BCLAF3: variants seen among roughly 807,000 people sequenced by gnomAD.
The protein encoded by BCLAF3 is transient octamer binding factor 1.
Under a neutral mutation model 51.2 loss-of-function variants are expected in BCLAF3, and 24 were observed. The ratio of observed to expected loss-of-function variants is 0.47; its 90% CI spans 0.34 to 0.66. BCLAF3 has a LOEUF of 0.66. Among genes scored for constraint, BCLAF3 ranks in the 30% least tolerant of loss-of-function variants. The probability of loss-of-function intolerance (pLI) is 0.01; values close to 1 mark genes in which losing one functional copy is unlikely to be tolerated. For missense variants in BCLAF3, 465 were observed against 525.1 expected, an observed-to-expected ratio of 0.89 and a Z score of 1.12; for synonymous variants, 152 against 176.6, an observed-to-expected ratio of 0.86 and a Z score of 1.10.
At chrX:19,957,011 C>T (rs1184243462) in intron 4 of BCLAF3, among the ~76,000 whole-genome samples, 1 of 111,946 alleles carries the variant, frequency 8.9e-6, no homozygotes, top group Non-Finnish European at 1.9e-5. Context: ...ATTTTAGCTC[C>T]TCTAATAAAA....
At chrX:19,925,905 C>T (rs1441383107) in intron 11 of BCLAF3, among the ~76,000 whole-genome samples, 1 of 112,049 alleles carries the variant, frequency 8.9e-6, no homozygotes, top group Non-Finnish European at 1.9e-5. Context: ...ACAAACAGAA[C>T]AGCTTCAATG....
At chrX:19,972,525 T>G (rs919180544) in intron 1 of BCLAF3, among the ~76,000 whole-genome samples, 14 of 112,172 alleles carry the variant, frequency 1.2e-4, no homozygotes, top group African/African-American at 3.2e-4. Context: ...GCCATATAAT[T>G]TACCCATTTA....
intron 8 of BCLAF3, among the ~76,000 whole-genome samples, chrX:19,945,042 TA>T (rs1490507922): frequency 9.3e-6 from 1 of 108,033 alleles, no homozygotes; most frequent in African/African-American, 3.4e-5. Flanking sequence ...CCATTGCTGA[TA>T]CCCTTTCTTC....
At chrX:19,936,115 G>A (rs192899761) in intron 9 of BCLAF3, among the ~76,000 whole-genome samples, 1 of 111,825 alleles carries the variant, frequency 8.9e-6, no homozygotes, top group Non-Finnish European at 1.9e-5. Flanking sequence ...TTTGTGAGGA[G>A]CCAGGATCAT....
Position 19,913,141 on chromosome X carries a change from T to G in BCLAF3, c.*4164A>C, listed in dbSNP as rs2069845871. ...CAGGCTGGAGTGCAATGGCGTGGCC[T>G]CGGTTCACTGCAACCTTCGCCTCCC... is the stretch of plus-strand genomic sequence containing the variant. On this transcript the variant is annotated 3_prime_UTR_variant, in exon 12 of 12. Coordinates refer to ENST00000379682, the MANE Select transcript of BCLAF3 (RefSeq NM_001367774.2). 8.9e-6 allele frequency: 1 copy of G among 112,173 alleles called. No individual in the cohort carries two copies. Among genetic ancestry groups the G allele is most frequent in the African/African-American group, 3.2e-5 (1 of 30,831 alleles). The allele number at this position is 112,173 out of a possible 1,213,427, so 9.2% of individuals were successfully genotyped here.
Position 19,966,599 on chromosome X carries a change from G to C in BCLAF3, c.92C>G (p.Ser31Ter), listed in dbSNP as rs1447925575. Residue 31 changes from serine to a stop codon, truncating the protein, a stop_gained, in exon 3 of 12, where the codon TCA (serine) becomes TGA (stop). Transcript: ENST00000379682. LOFTEE classifies it high-confidence loss of function. ...ATATTCACAGCCATAATGCCCGTGT[G>C]AATGTCTTTGCTTGTAGTGTTCAGC... ...RNAEHYKQRHSHGHYGCEYRK... is the reference protein window; with the variant it reads ...RNAEHYKQRH 1 of 1,208,949 alleles carries C rather than the reference G, an allele frequency of 8.3e-7. No individual in the cohort carries two copies. The highest frequency in any genetic ancestry group is 1.1e-6 in the Non-Finnish European group (1 of 895,116).
intron 1 of BCLAF3, among the ~76,000 whole-genome samples, chrX:19,979,479 G>T (rs2072540950): frequency 9.0e-6 from 1 of 110,907 alleles, no homozygotes; most frequent in South Asian, 3.7e-4. Context: ...CTAACAAACT[G>T]CAGTATAGCA....
Position 19,916,036 on chromosome X carries a change from C to G in BCLAF3, c.*1269G>C, listed in dbSNP as rs1477434028. 8.9e-6 allele frequency: 1 copy of G among 111,774 alleles called. No individual in the cohort carries two copies. The highest frequency in any genetic ancestry group is 1.9e-5 in the Non-Finnish European group (1 of 53,059). 9.2% of individuals were successfully genotyped at this position (111,774 alleles called of 1,213,427 possible). The stretch of plus-strand genomic sequence containing the variant: ...TCACTTAAGGAAAAGGCTGCCCTCT[C>G]TTTTAAAGATATGGACAAGAAAACT... On this transcript the variant is annotated 3_prime_UTR_variant, in exon 12 of 12. Coordinates refer to ENST00000379682, the MANE Select transcript of BCLAF3 (RefSeq NM_001367774.2).
chrX:19,973,392 G>A (rs12387893), intron 1 of BCLAF3, among the ~76,000 whole-genome samples: 28,643 of 110,399 alleles, frequency 0.26, 3,791 homozygotes, highest in African/African-American at 0.51. Context: ...ATTTATAATA[G>A]GAAAGAAAAA....
At chrX:19,983,148 G>A (rs1333868015) in intron 1 of BCLAF3, among the ~76,000 whole-genome samples, 2 of 104,436 alleles carry the variant, frequency 1.9e-5, no homozygotes, top group African/African-American at 6.9e-5. Flanking sequence ...AGTGGAGATG[G>A]GGTTTCGCCA....
chrX:19,940,046 T>C (rs963685854), intron 8 of BCLAF3, among the ~76,000 whole-genome samples: 1 of 111,987 alleles, frequency 8.9e-6, no homozygotes, highest in Non-Finnish European at 1.9e-5. Flanking sequence ...TCAATGTCAA[T>C]GAATTTTACA....
intron 10 of BCLAF3, among the ~76,000 whole-genome samples, chrX:19,934,322 G>A (rs1361366547): frequency 8.9e-6 from 1 of 111,745 alleles, no homozygotes; most frequent in Non-Finnish European, 1.9e-5. Context: ...AACTATATCT[G>A]ACCAATGAGA....
At chrX:19,954,316 T>C (rs2071590180) in intron 5 of BCLAF3, 1 of 390,284 alleles carries the variant, frequency 2.6e-6, no homozygotes, top group African/African-American at 2.7e-5. Flanking sequence ...TACTAAATGT[T>C]ATGTTTGCAT....
intron 4 of BCLAF3, among the ~76,000 whole-genome samples, chrX:19,959,674 A>G (rs2071787620): frequency 9.1e-6 from 1 of 109,865 alleles, no homozygotes; most frequent in African/African-American, 3.3e-5. Flanking sequence ...GCTACTCGAG[A>G]GGCTAAGGTG....
At chrX:19,962,805 CTGGGTATGG>C (rs1391767368) in intron 4 of BCLAF3, among the ~76,000 whole-genome samples, 1 of 111,940 alleles carries the variant, frequency 8.9e-6, no homozygotes, top group African/African-American at 3.3e-5. Flanking sequence ...AAGCTTAAGG[CTGGGTATGG>C]TGGCTCATGC....
intron 8 of BCLAF3, among the ~76,000 whole-genome samples, chrX:19,942,039 G>C (rs1232851977): frequency 2.7e-5 from 2 of 75,396 alleles, no homozygotes; most frequent in Non-Finnish European, 4.8e-5. Flanking sequence ...AAGCAATTGT[G>C]AATGGGAGTT....
At chrX:19,917,468 G>T in intron 11 of BCLAF3, 134 bp from the exon 12 acceptor site, 1 of 530,129 alleles carries the variant, frequency 1.9e-6, no homozygotes. Flanking sequence ...TCCCACGAAG[G>T]CATGTGGAAC....
intron 11 of BCLAF3, among the ~76,000 whole-genome samples, chrX:19,920,819 TAAA>T (rs749960197): frequency 1.3e-5 from 1 of 75,342 alleles, no homozygotes. Flanking sequence ...AGACCCTGTC[TAAA>T]AAAAAAAAAA....
At chrX:19,923,998 C>T (rs780301470) in intron 11 of BCLAF3, among the ~76,000 whole-genome samples, 1 of 110,549 alleles carries the variant, frequency 9.0e-6, no homozygotes, top group Admixed American at 9.7e-5. Flanking sequence ...TAGGGTTTCA[C>T]CATGTTGGCC....
Sources: gnomAD v4.1 joint callset for allele counts (sites outside exome capture counted in the v4.1 genomes callset) on GRCh38, gnomAD v4.1.1 for gene constraint, MANE v1.5 for transcripts, NCBI Gene and HGNC (gene_info 2026-07-23, HGNC 2026-07-21) for gene names.